Variants in CATSPERT observed in about 807,000 individuals in gnomAD.
The protein encoded by CATSPERT is cation channel sperm-associated targeting subunit tau.
chr2:201,601,778 A>G, the CATSPERT span: 76 of 1,612,112 alleles, frequency 4.7e-5, no homozygotes, highest in African/African-American at 9.3e-4. Context: ...ACTTAATTAC[A>G]GTGTTCTTCT....
chr2:201,498,209 A>C, the CATSPERT span, among the ~76,000 whole-genome samples: 1 of 152,166 alleles, frequency 6.6e-6, no homozygotes, highest in African/African-American at 2.4e-5. Flanking sequence ...AGCTGGAGAA[A>C]GAGAGAAGCC....
the CATSPERT span, among the ~76,000 whole-genome samples, chr2:201,495,733 C>T: frequency 6.9e-6 from 1 of 144,210 alleles, no homozygotes; most frequent in African/African-American, 2.6e-5. Context: ...GTTCTGTTTC[C>T]AAGTTGAGAT....
At chr2:201,575,354 A>G in the CATSPERT span, 1 of 1,550,462 alleles carries the variant, frequency 6.4e-7, no homozygotes, top group Non-Finnish European at 8.7e-7. Context: ...AATTTTAAAT[A>G]TAGAATTACC....
At chr2:201,520,560 A>G in the CATSPERT span, among the ~76,000 whole-genome samples, 1 of 152,260 alleles carries the variant, frequency 6.6e-6, no homozygotes, top group Non-Finnish European at 1.5e-5. Flanking sequence ...ATATTCCTGA[A>G]TAACCACTGC....
At chr2:201,579,399 C>T in the CATSPERT span, among the ~76,000 whole-genome samples, 1 of 151,848 alleles carries the variant, frequency 6.6e-6, no homozygotes, top group Admixed American at 6.6e-5. Flanking sequence ...TGTCACCATG[C>T]CTGGCTAATT....
the CATSPERT span, among the ~76,000 whole-genome samples, chr2:201,565,522 G>A: frequency 6.6e-6 from 1 of 151,930 alleles, no homozygotes; most frequent in African/African-American, 2.4e-5. Context: ...TCTTTCTTTG[G>A]CATAACACTT....
chr2:201,536,081 T>C, the CATSPERT span: 14 of 1,613,274 alleles, frequency 8.7e-6, no homozygotes, highest in East Asian at 3.1e-4. Flanking sequence ...ATTTTACTTC[T>C]AATGGAAAAA....
At chr2:201,494,657 T>C in the CATSPERT span, 6 of 1,536,608 alleles carry the variant, frequency 3.9e-6, no homozygotes, top group Admixed American at 2.0e-5. Flanking sequence ...GCACCTAAGA[T>C]ATTTCTATAT....
chr2:201,516,756 T>C, the CATSPERT span, among the ~76,000 whole-genome samples: 22 of 106,604 alleles, frequency 2.1e-4, no homozygotes, highest in East Asian at 4.9e-3. Flanking sequence ...AGATTTTTTT[T>C]CCCCCCTACC....
At chr2:201,612,582 A>AG in the CATSPERT span, among the ~76,000 whole-genome samples, 1 of 1,874 alleles carries the variant, frequency 5.3e-4, no homozygotes, top group Non-Finnish European at 4.4e-3. Flanking sequence ...TCCATCTTGG[A>AG]AAAAAAAAAA....
At chr2:201,618,611 T>C in the CATSPERT span, among the ~76,000 whole-genome samples, 1 of 150,970 alleles carries the variant, frequency 6.6e-6, no homozygotes, top group Non-Finnish European at 1.5e-5. Flanking sequence ...CTAATGTAAA[T>C]GACGAGTTAA....
the CATSPERT span, chr2:201,574,220 A>G: frequency 6.2e-7 from 1 of 1,603,622 alleles, no homozygotes; most frequent in East Asian, 2.3e-5. Context: ...TGATGTGAAA[A>G]TCCATAACCA....
chr2:201,534,050 A>G, the CATSPERT span, among the ~76,000 whole-genome samples: 1 of 130,728 alleles, frequency 7.6e-6, no homozygotes, highest in Admixed American at 7.5e-5. Context: ...TTATCTATCT[A>G]TCTATCTATC....
At chr2:201,493,484 G>T in the CATSPERT span, 1 of 1,537,024 alleles carries the variant, frequency 6.5e-7, no homozygotes, top group African/African-American at 1.4e-5. Context: ...CTCTTATGGT[G>T]TTCTTTATCT....
At chr2:201,566,340 A>G in the CATSPERT span, among the ~76,000 whole-genome samples, 1 of 137,400 alleles carries the variant, frequency 7.3e-6, no homozygotes, top group Non-Finnish European at 1.6e-5. Context: ...ATATCTCCTA[A>G]TGCTCTCCCT....
the CATSPERT span, chr2:201,601,617 A>G: frequency 2.2e-6 from 2 of 912,698 alleles, no homozygotes; most frequent in Admixed American, 3.2e-5. Context: ...AAGATACCAA[A>G]TAAAAAGGCA....
At chr2:201,494,084 T>A in the CATSPERT span, 1 of 1,535,160 alleles carries the variant, frequency 6.5e-7, no homozygotes, top group Non-Finnish European at 8.7e-7. Flanking sequence ...GGAATATTTT[T>A]AATTATTTGA....
At chr2:201,574,332 G>A in the CATSPERT span, 3 of 1,405,180 alleles carry the variant, frequency 2.1e-6, no homozygotes, top group South Asian at 1.4e-5. Flanking sequence ...AATGGAGAAG[G>A]GACAAAAAGT....
chr2:201,511,438 G>T, the CATSPERT span, among the ~76,000 whole-genome samples: 3 of 152,070 alleles, frequency 2.0e-5, no homozygotes, highest in Admixed American at 2.0e-4. Flanking sequence ...CAAAGTTATA[G>T]GACCATGGAA....
Sources: gnomAD v4.1 joint callset for allele counts (sites outside exome capture counted in the v4.1 genomes callset) on GRCh38, gnomAD v4.1.1 for gene constraint, MANE v1.5 for transcripts, NCBI Gene and HGNC (gene_info 2026-07-23, HGNC 2026-07-21) for gene names.